EXOC6B: variants seen among roughly 807,000 people sequenced by gnomAD.
EXOC6B encodes exocyst complex component 6B.
In EXOC6B, 54 loss-of-function variants were observed where a neutral mutation model predicts 113.5. That is an observed-to-expected ratio of 0.48 (90% CI 0.38 to 0.60). The LOEUF (loss-of-function observed/expected upper bound fraction) is 0.60. Among genes scored for constraint, EXOC6B ranks in the 20% least tolerant of loss-of-function variants. The pLI is 0.00. For synonymous variants in EXOC6B, 357 were observed against 339.0 expected (o/e 1.05, Z -0.58); for missense variants, 797 against 977.5 (o/e 0.82, Z 2.46).
intron 19 of EXOC6B, among the ~76,000 whole-genome samples, chr2:72,370,757 C>G (rs892526085): frequency 1.3e-5 from 2 of 151,576 alleles, no homozygotes; most frequent in African/African-American, 2.4e-5. Context: ...CAAATTATCA[C>G]AAGGACAAAA....
At chr2:72,208,163 TGGGG>T (rs1679950710) in intron 20 of EXOC6B, among the ~76,000 whole-genome samples, 2 of 152,116 alleles carry the variant, frequency 1.3e-5, no homozygotes, top group South Asian at 2.1e-4. Flanking sequence ...TGCTGAGGTT[TGGGG>T]TACAGATCCC....
intron 6 of EXOC6B, among the ~76,000 whole-genome samples, chr2:72,596,929 T>C (rs1246816468): frequency 6.6e-6 from 1 of 151,450 alleles, no homozygotes; most frequent in Admixed American, 6.6e-5. Context: ...ATTAAAATCC[T>C]ATTTATCTCA....
At chr2:72,701,935 T>C (rs1021454496) in intron 6 of EXOC6B, among the ~76,000 whole-genome samples, 97 of 151,928 alleles carry the variant, frequency 6.4e-4, no homozygotes, top group African/African-American at 2.3e-3. Flanking sequence ...TTTTTTTTAA[T>C]TATACTTTAA....
intron 6 of EXOC6B, among the ~76,000 whole-genome samples, chr2:72,646,602 A>G (rs1273199766): frequency 6.6e-6 from 1 of 152,146 alleles, no homozygotes; most frequent in Non-Finnish European, 1.5e-5. Context: ...CTTATCCACC[A>G]CAATCAAGTC....
intron 19 of EXOC6B, among the ~76,000 whole-genome samples, chr2:72,358,843 T>G (rs1690123092): frequency 6.6e-6 from 1 of 152,162 alleles, no homozygotes; most frequent in Admixed American, 6.5e-5. Context: ...CATCCTAGTT[T>G]TCTCTATTAT....
At chr2:72,419,347 A>T (rs959553819) in intron 18 of EXOC6B, among the ~76,000 whole-genome samples, 14 of 152,226 alleles carry the variant, frequency 9.2e-5, no homozygotes, top group Middle Eastern at 3.2e-3. Context: ...ACTTCTCATT[A>T]CAATAATAAC....
At chr2:72,220,000 T>C (rs1286003329) in intron 20 of EXOC6B, among the ~76,000 whole-genome samples, 2 of 152,166 alleles carry the variant, frequency 1.3e-5, no homozygotes, top group Non-Finnish European at 2.9e-5. Flanking sequence ...AACCTTTTTG[T>C]GACTAATCTC....
At chr2:72,226,653 T>A (rs140525057) in intron 20 of EXOC6B, among the ~76,000 whole-genome samples, 2 of 152,232 alleles carry the variant, frequency 1.3e-5, no homozygotes, top group African/African-American at 4.8e-5. Context: ...ACTTAGGTTG[T>A]CATGTTTTAC....
intron 18 of EXOC6B, among the ~76,000 whole-genome samples, chr2:72,421,852 G>A (rs1373653547): frequency 6.6e-6 from 1 of 152,216 alleles, no homozygotes; most frequent in African/African-American, 2.4e-5. Flanking sequence ...GGGAACCGGG[G>A]CTGCGTGCAG....
Position 72,232,562 on chromosome 2 carries a change from T to TA in EXOC6B, c.2197-48376dup, listed in dbSNP as rs914878731. On this transcript the variant is annotated intron_variant, in intron 20 of 21. Transcript: ENST00000272427. ...ATACTAGGGCAAACCAGAAACAATC[T>TA]AAATGCTTAACCACAGAAAAGTCAT... 3.7e-4 allele frequency among the ~76,000 whole-genome samples: 57 copies of TA among 152,258 alleles called. 1 individual carries two copies. The highest frequency in any genetic ancestry group is 1.3e-3 in the African/African-American group (56 of 41,548).
At chr2:72,609,786 T>C (rs1343780256) in intron 6 of EXOC6B, among the ~76,000 whole-genome samples, 1 of 152,038 alleles carries the variant, frequency 6.6e-6, no homozygotes, top group Non-Finnish European at 1.5e-5. Context: ...ATATAAAAAC[T>C]AATGCACATG....
In EXOC6B at chr2:72,631,406, A is replaced by ATGTGTGTG. The variant is rs201743586; in HGVS notation, c.670-55746_670-55739dup. 9.8e-4 allele frequency among the ~76,000 whole-genome samples: 100 copies of ATGTGTGTG among 102,288 alleles called. 2 individuals carry two copies. The highest frequency in any genetic ancestry group is 3.3e-3 in the African/African-American group (96 of 28,948). The allele number at this position is 102,288 out of a possible 152,430, so 67.1% of individuals were successfully genotyped here. Reference sequence around the variant, plus strand: ...TGGAGTGATATAGTAGTGTGTGTATATGTGTGTGTGTGTGTGTGTGTATAT... The same window carrying ATGTGTGTG: ...TGGAGTGATATAGTAGTGTGTGTATATGTGTGTGTGTGTGTGTGTGTGTGTGTGTATAT... On this transcript the variant is annotated intron_variant, in intron 6 of 21. Coordinates refer to ENST00000272427, the MANE Select transcript of EXOC6B (RefSeq NM_015189.3).
chr2:72,368,784 T>C (rs1426903108), intron 19 of EXOC6B, among the ~76,000 whole-genome samples: 1 of 152,196 alleles, frequency 6.6e-6, no homozygotes, highest in Non-Finnish European at 1.5e-5. Flanking sequence ...TCTCAATAGA[T>C]GCAGAAAAGG....
At chr2:72,779,591 A>T in intron 1 of EXOC6B, among the ~76,000 whole-genome samples, 1 of 152,102 alleles carries the variant, frequency 6.6e-6, no homozygotes. Flanking sequence ...TTTTGGTCAG[A>T]CCCCAAGCCC....
chr2:72,533,460 G>C (rs1558769631), intron 8 of EXOC6B, among the ~76,000 whole-genome samples: 2 of 152,192 alleles, frequency 1.3e-5, no homozygotes, highest in South Asian at 4.1e-4. Context: ...AAGAGACCTT[G>C]TATGATGACA....
chr2:72,647,906 C>T (rs1352442922), intron 6 of EXOC6B, among the ~76,000 whole-genome samples: 1 of 152,100 alleles, frequency 6.6e-6, no homozygotes, highest in Admixed American at 6.6e-5. Flanking sequence ...AAAGCACTGG[C>T]AAGAAAAACC....
chr2:72,471,867 G>T (rs1698434227), intron 17 of EXOC6B, among the ~76,000 whole-genome samples: 1 of 152,114 alleles, frequency 6.6e-6, no homozygotes, highest in East Asian at 1.9e-4. Flanking sequence ...TCTGCTATAT[G>T]TGGCCTTTAT....
intron 2 of EXOC6B, among the ~76,000 whole-genome samples, chr2:72,738,441 C>A (rs1681102579): frequency 6.6e-6 from 1 of 152,130 alleles, no homozygotes; most frequent in African/African-American, 2.4e-5. Context: ...TAGTCTTCCT[C>A]ATTTTTTAAC....
chr2:72,621,010 TG>T (rs1671709575), intron 6 of EXOC6B, among the ~76,000 whole-genome samples: 1 of 152,120 alleles, frequency 6.6e-6, no homozygotes, highest in Admixed American at 6.5e-5. Flanking sequence ...GCAACAGATA[TG>T]GCAAAGCTAT....
Sources: allele counts gnomAD v4.1 joint callset (sites outside exome capture counted in the v4.1 genomes callset), GRCh38; gene constraint gnomAD v4.1.1; transcripts MANE v1.5; gene names NCBI Gene and HGNC (gene_info 2026-07-23, HGNC 2026-07-21).